TNFRSF8: variants seen among roughly 807,000 people sequenced by gnomAD.
The protein encoded by TNFRSF8 is tumor necrosis factor receptor superfamily member 8.
TNFRSF8 carries 26 observed loss-of-function variants against 70.8 expected under a neutral mutation model. That is an observed-to-expected ratio of 0.37 (90% confidence interval 0.27 to 0.51). The LOEUF (loss-of-function observed/expected upper bound fraction) is 0.51, where lower values mean the gene tolerates loss of function less well. Ranked by LOEUF, TNFRSF8 falls within the 20% of genes least tolerant of loss-of-function variation. The pLI, the probability that TNFRSF8 is intolerant of heterozygous loss-of-function variation, is 0.94. For missense variants in TNFRSF8, 720 were observed against 807.9 expected, an observed-to-expected ratio of 0.89 and a Z score of 1.32; for synonymous variants, 356 against 339.2, an observed-to-expected ratio of 1.05 and a Z score of -0.54.
intron 12 of TNFRSF8, among the ~76,000 whole-genome samples, chr1:12,129,607 G>A (rs1437634784): frequency 1.3e-5 from 2 of 152,162 alleles, no homozygotes; most frequent in African/African-American, 4.8e-5. Flanking sequence ...GTGATTTCAT[G>A]GATGCTCCTT....
intron 8 of TNFRSF8, among the ~76,000 whole-genome samples, chr1:12,116,514 G>C (rs185346007): frequency 2.4e-4 from 37 of 152,098 alleles, no homozygotes; most frequent in African/African-American, 8.2e-4. Context: ...AAAACCAAGG[G>C]GAATGGCCAG....
chr1:12,135,625 T>G lies in TNFRSF8; in HGVS notation c.1335+12T>G, dbSNP rs372145923. ...GGAGGAGCTCAACGGTAAGTACCCC[T>G]CCCTTGCCCCCACCTCAGCTTCGTG... On this transcript the variant is annotated intron_variant, in intron 13 of 14. Transcript: ENST00000263932. The G allele has an allele frequency of 6.2e-6, 10 of 1,613,894 alleles. No homozygotes were observed. Among genetic ancestry groups the G allele is most frequent in the Non-Finnish European group, 8.5e-6 (10 of 1,179,958 alleles).
intron 8 of TNFRSF8, among the ~76,000 whole-genome samples, chr1:12,121,430 G>A (rs1005745575): frequency 6.6e-6 from 1 of 152,168 alleles, no homozygotes; most frequent in Non-Finnish European, 1.5e-5. Flanking sequence ...CAGGGCTCTG[G>A]GGGTGGAGAG....
At chr1:12,101,711 T>C (rs1184746105) in intron 3 of TNFRSF8, among the ~76,000 whole-genome samples, 1 of 152,134 alleles carries the variant, frequency 6.6e-6, no homozygotes. Flanking sequence ...GATGGAGTCC[T>C]GCTCTGTTGC....
At chr1:12,101,725 G>C (rs374273687) in intron 3 of TNFRSF8, among the ~76,000 whole-genome samples, 6 of 152,264 alleles carry the variant, frequency 3.9e-5, no homozygotes, top group African/African-American at 1.4e-4. Flanking sequence ...CTGTTGCCCA[G>C]GCTGGAGTGC....
chr1:12,105,191 C>T (rs11569860), intron 4 of TNFRSF8, among the ~76,000 whole-genome samples: 8 of 152,102 alleles, frequency 5.3e-5, no homozygotes, highest in South Asian at 2.1e-4. Flanking sequence ...TGTATGGAGC[C>T]GGGGAGATGG....
intron 14 of TNFRSF8, among the ~76,000 whole-genome samples, chr1:12,140,485 G>A (rs1431531578): frequency 1.3e-5 from 2 of 152,154 alleles, no homozygotes; most frequent in Non-Finnish European, 2.9e-5. Flanking sequence ...GGACTCTGGA[G>A]CTCTGGGGAG....
At position 12,110,298 on chromosome 1, in the gene TNFRSF8, T is replaced by A; in HGVS notation, c.676+94T>A. 7.7e-7 allele frequency: 1 copy of A among 1,304,210 alleles called. No homozygotes were observed. Among genetic ancestry groups the A allele is most frequent in the Admixed American group, 2.7e-5 (1 of 37,250 alleles). The allele number at this position is 1,304,210 out of a possible 1,614,324, so 80.8% of individuals were successfully genotyped here. A position where few individuals can be genotyped will look rare whatever the true frequency, so the allele number is the denominator to read the frequency against. On this transcript the variant is annotated intron_variant, in intron 6 of 14. Transcript: ENST00000263932. This position sits in a 1 kb window ranked among gnomAD's most constrained non-coding sequence, Gnocchi z 4.0. ...GGTGTTTGGAGCAGGCGGGCAGTGA[T>A]CTGTGGTCTTTTCCTGGTGGGGAGA...
In TNFRSF8 at chr1:12,142,416, C is replaced by G; in HGVS notation, c.1673C>G (p.Pro558Arg). 6.2e-7 allele frequency: 1 copy of G among 1,612,922 alleles called. No individual in the cohort carries two copies. Among genetic ancestry groups the G allele is most frequent in the Non-Finnish European group, 8.5e-7 (1 of 1,179,580 alleles). Residue 558 changes from proline (P) to arginine (R), a missense_variant, in exon 15 of 15, where the codon CCC (proline) becomes CGC (arginine). Pro to Arg is a moderately radical substitution (Grantham distance 103). Transcript: ENST00000263932. The surrounding 1 kb of genome is among the most constrained non-coding windows in gnomAD (Gnocchi z 5.0). ...LEEELEADHT[P>R]HYPEQETEPP... ...GAGGAGCTGGAGGCGGACCATACCC[C>G]CCACTACCCCGAGCAGGAGACAGAA... is the stretch of plus-strand genomic sequence containing the variant.
chr1:12,138,085 C>A lies in TNFRSF8; in HGVS notation c.1336-144C>A. The A allele has an allele frequency of 2.6e-6, 2 of 778,144 alleles. No individual in the cohort carries two copies. The highest frequency in any genetic ancestry group is 4.0e-6 in the Non-Finnish European group (2 of 496,700). 48.2% of individuals were successfully genotyped at this position (778,144 alleles called of 1,614,324 possible). Reference sequence around the variant, plus strand: ...GACTTCACCCAGAAAGCTGAGAAGCCCGGGGCAGCTCATGGCAGCTTTTAA... The same window carrying A: ...GACTTCACCCAGAAAGCTGAGAAGCACGGGGCAGCTCATGGCAGCTTTTAA... On this transcript the variant is annotated intron_variant, in intron 13 of 14. Transcript: ENST00000263932. This position sits in a 1 kb window ranked among gnomAD's most constrained non-coding sequence, Gnocchi z 5.7.
chr1:12,095,441 C>A (rs926005402), intron 2 of TNFRSF8, among the ~76,000 whole-genome samples: 9 of 152,080 alleles, frequency 5.9e-5, no homozygotes, highest in Non-Finnish European at 1.3e-4. Flanking sequence ...GCGCCTGCCA[C>A]GACACCCAGC....
chr1:12,085,803 G>A (rs760100563), intron 2 of TNFRSF8, among the ~76,000 whole-genome samples: 5 of 152,192 alleles, frequency 3.3e-5, no homozygotes, highest in African/African-American at 4.8e-5. Context: ...GGGTCATGAG[G>A]CATTTCTGCC....
chr1:12,114,975 G>A (rs1044770923), intron 7 of TNFRSF8, among the ~76,000 whole-genome samples: 1 of 151,878 alleles, frequency 6.6e-6, no homozygotes, highest in Non-Finnish European at 1.5e-5. Flanking sequence ...CCAAAGTGCC[G>A]GGATTACAGT....
At chr1:12,096,893 C>T (rs748204298) in intron 2 of TNFRSF8, among the ~76,000 whole-genome samples, 2 of 152,204 alleles carry the variant, frequency 1.3e-5, no homozygotes, top group Admixed American at 1.3e-4. Flanking sequence ...AACTATGTTG[C>T]TTTTCCTTGC....
At chr1:12,123,907 G>A in intron 10 of TNFRSF8, 80 bp downstream of exon 10, 1 of 1,264,488 alleles carries the variant, frequency 7.9e-7, no homozygotes, top group Non-Finnish European at 1.1e-6. Flanking sequence ...AGCCAGGAGG[G>A]AGCTTCTCCT....
intron 1 of TNFRSF8, among the ~76,000 whole-genome samples, chr1:12,082,259 C>T (rs913813831): frequency 2.4e-4 from 37 of 152,150 alleles, no homozygotes; most frequent in Non-Finnish European, 4.4e-5. Context: ...AACATATCTT[C>T]CTGAGGCCGG....
At position 12,088,269 on chromosome 1, in the gene TNFRSF8, C is replaced by T. The variant is rs1037940830; in HGVS notation, c.151+3718C>T. On this transcript the variant is annotated intron_variant, in intron 2 of 14. Transcript: ENST00000263932. This position sits in a 1 kb window ranked among gnomAD's most constrained non-coding sequence, Gnocchi z 4.0. ...ATTCACTGACTCATAACAATGACCA[C>T]GATTCATACCGATGGAGCACGCTAT... 7.9e-5 allele frequency among the ~76,000 whole-genome samples: 12 copies of T among 152,156 alleles called. No homozygotes were observed. The highest frequency in any genetic ancestry group is 2.4e-4 in the African/African-American group (10 of 41,444).
rs930683787 is a variant in TNFRSF8, at chr1:12,113,653, C to T, written c.793+1639C>T. Reference sequence around the variant, plus strand: ...AGAGAGAGACAGAAAGAGAAAGAGACGGAGTGAGCGAGAGAGAGAGAGACA... The same window carrying T: ...AGAGAGAGACAGAAAGAGAAAGAGATGGAGTGAGCGAGAGAGAGAGAGACA... On this transcript the variant is annotated intron_variant, in intron 7 of 14. Coordinates refer to ENST00000263932, the MANE Select transcript of TNFRSF8 (RefSeq NM_001243.5). This position sits in a 1 kb window ranked among gnomAD's most constrained non-coding sequence, Gnocchi z 4.9. 4.3e-4 allele frequency among the ~76,000 whole-genome samples: 63 copies of T among 146,150 alleles called. No individual in the cohort carries two copies. The highest frequency in any genetic ancestry group is 1.4e-3 in the African/African-American group (55 of 38,772).
At chr1:12,132,837 CAAAAAA>C (rs55643235) in intron 12 of TNFRSF8, among the ~76,000 whole-genome samples, 1 of 74,438 alleles carries the variant, frequency 1.3e-5, no homozygotes, top group African/African-American at 5.0e-5. Flanking sequence ...GACTCCATCT[CAAAAAA>C]AAAAAAAAAA....
Sources: allele counts gnomAD v4.1 joint callset (sites outside exome capture counted in the v4.1 genomes callset), GRCh38; gene constraint gnomAD v4.1.1; non-coding constraint Gnocchi (gnomAD v3.1); transcripts MANE v1.5; gene names NCBI Gene and HGNC (gene_info 2026-07-23, HGNC 2026-07-21).